Variants in RELN observed in about 807,000 individuals in gnomAD.
The protein encoded by RELN is reelin.
Under a neutral mutation model 427.6 loss-of-function variants are expected in RELN, and 108 were observed. The observed-to-expected ratio is 0.25, with a 90% CI of 0.22 to 0.30. The LOEUF is 0.30. Among genes scored for constraint, RELN ranks in the 10% least tolerant of loss-of-function variants. RELN has a pLI of 1.00. For synonymous variants in RELN, 1,524 were observed against 1,513.4 expected (o/e 1.01, Z -0.16); for missense variants, 3,715 against 4,302.8 (o/e 0.86, Z 3.82).
chr7:103,594,532 G>C lies in RELN; in HGVS notation c.3540-40C>G, dbSNP rs1251941823. Reference sequence around the variant, plus strand: ...ATCATTTACGGTTGGGAAAACAAAAGCTGTGCTTTTTTTTTTTCAGCTATT... The same window carrying C: ...ATCATTTACGGTTGGGAAAACAAAACCTGTGCTTTTTTTTTTTCAGCTATT... On this transcript the variant is annotated intron_variant, in intron 25 of 64. Transcript: ENST00000428762. 18 of 1,583,738 alleles carry C rather than the reference G, an allele frequency of 1.1e-5. No homozygotes were observed. In the South Asian group the frequency reaches 2.0e-4, roughly 18 times the overall value.
At chr7:103,647,917 T>C (rs34945815) in intron 16 of RELN, among the ~76,000 whole-genome samples, 64,684 of 151,768 alleles carry the variant, frequency 0.43, 14,254 homozygotes, top group African/African-American at 0.53. Flanking sequence ...AGCCAACTGA[T>C]CTTAAACAAT....
intron 1 of RELN, among the ~76,000 whole-genome samples, chr7:103,947,123 T>A (rs532035639): frequency 6.6e-6 from 1 of 152,322 alleles, no homozygotes; most frequent in African/African-American, 2.4e-5. Context: ...ACAGTCATAA[T>A]GCTTTATTCT....
At position 103,563,356 on chromosome 7, in the gene RELN, A is replaced by G. The variant is rs1035523738; in HGVS notation, c.5211-1403T>C. On this transcript the variant is annotated intron_variant, in intron 34 of 64. Transcript: ENST00000428762. This position sits in a 1 kb window ranked among gnomAD's most constrained non-coding sequence, Gnocchi z 4.1. ...TTCTGACCTTGTGTATGCCAAGGCTAATAATGTGTATTTTTGTGTCTAAGT... is the reference window on the plus strand; with the variant it reads ...TTCTGACCTTGTGTATGCCAAGGCTGATAATGTGTATTTTTGTGTCTAAGT... 1.3e-5 allele frequency among the ~76,000 whole-genome samples: 2 copies of G among 152,222 alleles called. No individual in the cohort carries two copies. The highest frequency in any genetic ancestry group is 2.9e-5 in the Non-Finnish European group (2 of 68,036).
intron 56 of RELN, 46 bp from the exon 57 acceptor site, chr7:103,495,944 G>A (rs775615730): frequency 6.3e-7 from 1 of 1,594,994 alleles, no homozygotes; most frequent in Non-Finnish European, 8.6e-7. Context: ...TTCTCTTGAG[G>A]AAAATTGGAA....
intron 4 of RELN, among the ~76,000 whole-genome samples, chr7:103,770,030 T>C (rs1791524396): frequency 6.6e-6 from 1 of 152,156 alleles, no homozygotes; most frequent in African/African-American, 2.4e-5. Flanking sequence ...CTCCACTTTC[T>C]TAAACCCTAC....
rs377549748 is a variant in RELN at position 103,515,227 on chromosome 7, C to T, written c.8077G>A (p.Gly2693Arg). The change falls in exon 50 of 65, where the codon GGG becomes AGG. Residue 2693 changes from glycine to arginine, a missense_variant. Gly to Arg is a moderately radical substitution (Grantham distance 125). This residue lies in a region of RELN where 1,310 missense variants were observed against 1,643.0 expected (regional missense o/e 0.80). Transcript: ENST00000428762. ...ERSPADAGPV[G>R]RIAFDMFMED... ...ATAAACATGTCAAAGGCGATCCTCC[C>T]GACAGGGCCGGCATCTGCAGGGGAG... The T allele has an allele frequency of 1.4e-5, 23 of 1,614,066 alleles. No individual in the cohort carries two copies. Among genetic ancestry groups the T allele is most frequent in the African/African-American group, 1.1e-4 (8 of 74,916 alleles).
At chr7:103,858,094 A>G (rs1793988086) in intron 2 of RELN, among the ~76,000 whole-genome samples, 2 of 151,936 alleles carry the variant, frequency 1.3e-5, no homozygotes, top group Non-Finnish European at 2.9e-5. Context: ...TATAGTGTCT[A>G]GTTTGTTCAA....
chr7:103,963,731 GA>G (rs1796608456), intron 1 of RELN, among the ~76,000 whole-genome samples: 2 of 152,222 alleles, frequency 1.3e-5, no homozygotes, highest in South Asian at 4.1e-4. Context: ...AGAAAGGAAA[GA>G]AAAAAATAGC....
At chr7:103,823,464 C>A (rs1373266082) in intron 3 of RELN, among the ~76,000 whole-genome samples, 1 of 151,744 alleles carries the variant, frequency 6.6e-6, no homozygotes, top group Non-Finnish European at 1.5e-5. Flanking sequence ...CTTCCCCTCC[C>A]TATTTTGGAA....
intron 8 of RELN, among the ~76,000 whole-genome samples, chr7:103,720,124 C>T (rs1790039502): frequency 6.6e-6 from 1 of 151,164 alleles, no homozygotes; most frequent in Admixed American, 6.6e-5. Context: ...CAGATACACA[C>T]ATGTATGTAT....
At chr7:103,612,565 G>A (rs1254604156) in intron 20 of RELN, among the ~76,000 whole-genome samples, 3 of 152,072 alleles carry the variant, frequency 2.0e-5, no homozygotes, top group Admixed American at 6.6e-5. Context: ...ATGAGCCACC[G>A]CGCCCAGCCT....
intron 60 of RELN, among the ~76,000 whole-genome samples, chr7:103,486,644 CAT>C (rs1399905017): frequency 3.3e-5 from 5 of 151,246 alleles, no homozygotes; most frequent in East Asian, 1.9e-4. Flanking sequence ...GGCCAACAAA[CAT>C]ATGAAAAAAA....
At chr7:103,757,742 G>C (rs1791196707) in intron 4 of RELN, among the ~76,000 whole-genome samples, 1 of 152,162 alleles carries the variant, frequency 6.6e-6, no homozygotes, top group African/African-American at 2.4e-5. Context: ...AGATGCACTA[G>C]GGATGGGAAC....
chr7:103,494,955 A>G (rs1828790285), intron 57 of RELN, among the ~76,000 whole-genome samples: 1 of 152,072 alleles, frequency 6.6e-6, no homozygotes, highest in African/African-American at 2.4e-5. Context: ...AAGGGGAGAG[A>G]CAGCGGAAGG....
Position 103,804,357 on chromosome 7 carries a change from A to T in RELN, c.474-27730T>A, listed in dbSNP as rs900310083. 4.6e-5 allele frequency among the ~76,000 whole-genome samples: 7 copies of T among 152,260 alleles called. No individual in the cohort carries two copies. In the South Asian group the frequency reaches 1.4e-3, roughly 32 times the overall value. ...GTTGCTGGAAATTTTTTCTATTTCA[A>T]ATAAAACGGCACTAAATAGTGGTAT... On this transcript the variant is annotated intron_variant, in intron 3 of 64. Transcript: ENST00000428762.
chr7:103,553,529 C>G lies in RELN; in HGVS notation c.6004G>C (p.Glu2002Gln). 1 of 1,614,090 alleles carries G rather than the reference C, an allele frequency of 6.2e-7. No homozygotes were observed. Among genetic ancestry groups the G allele is most frequent in the Non-Finnish European group, 8.5e-7 (1 of 1,179,982 alleles). ...EDSAMVFVSN[E>Q]VGEHSITTRD... ...GTGGTAATGGAATGCTCACCAACTT[C>G]ATTTGAAACAAACACCATAGCTGAA... is the stretch of plus-strand genomic sequence containing the variant. The change falls in exon 40 of 65, where the codon GAA becomes CAA. Residue 2002 changes from glutamate to glutamine, a missense_variant. Coordinates refer to ENST00000428762, the MANE Select transcript of RELN (RefSeq NM_005045.4).
chr7:103,606,523 C>T (rs1358606794), intron 22 of RELN, among the ~76,000 whole-genome samples: 1 of 151,934 alleles, frequency 6.6e-6, no homozygotes, highest in East Asian at 2.0e-4. Context: ...TCTAAGATCC[C>T]TTCCAGCTCT....
chr7:103,925,567 A>T (rs1251228640), intron 1 of RELN, among the ~76,000 whole-genome samples: 2 of 152,146 alleles, frequency 1.3e-5, no homozygotes, highest in Non-Finnish European at 2.9e-5. Context: ...GCACTCAATA[A>T]ATTATTAAAG....
chr7:103,626,820 A>C lies in RELN; in HGVS notation c.2702+3120T>G, dbSNP rs144497385. On this transcript the variant is annotated intron_variant, in intron 20 of 64. Transcript: ENST00000428762. The surrounding 1 kb of genome is among the most constrained non-coding windows in gnomAD (Gnocchi z 4.4). ...TTCAATTAGAATTTTTCCCTTACTG[A>C]TCTTAAAGTATATGTAAGAGGTTTT... Among the ~76,000 whole-genome samples the C allele has an allele frequency of 1.3e-5, 2 of 152,220 alleles. No homozygotes were observed. Among genetic ancestry groups the C allele is most frequent in the African/African-American group, 4.8e-5 (2 of 41,572 alleles).
Sources: gnomAD v4.1 joint callset for allele counts (sites outside exome capture counted in the v4.1 genomes callset) on GRCh38, gnomAD v4.1.1 for gene constraint, gnomAD v4.1.1 regional missense constraint, Gnocchi (gnomAD v3.1) non-coding constraint, MANE v1.5 for transcripts, NCBI Gene and HGNC (gene_info 2026-07-23, HGNC 2026-07-21) for gene names.